The following C7 variants were observed in gnomAD, a reference collection of about 807,000 sequenced individuals.
C7 encodes complement C7.
C7 carries 83 observed loss-of-function variants against 104.8 expected under a neutral mutation model. The ratio of observed to expected loss-of-function variants is 0.79; its 90% CI spans 0.66 to 0.95. The LOEUF is 0.95. Ranked by LOEUF, C7 falls within the 40% of genes least tolerant of loss-of-function variation. C7 has a pLI of 0.00. For synonymous variants in C7, 415 were observed against 360.6 expected, an observed-to-expected ratio of 1.15 and a Z score of -1.71; for missense variants, 1,070 against 1,011.2, an observed-to-expected ratio of 1.06 and a Z score of -0.79.
At chr5:40,919,134 T>G (rs1302079084) in intron 1 of C7, among the ~76,000 whole-genome samples, 1 of 151,768 alleles carries the variant, frequency 6.6e-6, no homozygotes, top group African/African-American at 2.4e-5. Context: ...ATCTTTTTTT[T>G]TTTTTTTGAG....
intron 13 of C7, among the ~76,000 whole-genome samples, chr5:40,962,892 G>C (rs1740452944): frequency 6.6e-6 from 1 of 152,246 alleles, no homozygotes; most frequent in East Asian, 1.9e-4. Context: ...CCAGGCCCTT[G>C]AACATGCATT....
intron 6 of C7, among the ~76,000 whole-genome samples, chr5:40,940,794 T>A (rs1739919416): frequency 6.6e-6 from 1 of 152,144 alleles, no homozygotes; most frequent in African/African-American, 2.4e-5. Flanking sequence ...TGGCATCTCA[T>A]TTTACAAATG....
chr5:40,921,298 C>T lies in C7; in HGVS notation c.7-7282C>T, dbSNP rs765472148. On this transcript the variant is annotated intron_variant, in intron 1 of 17. Transcript: ENST00000313164. ...AAAAATACTATAAAACACTGATGAA[C>T]GTAATTTAAGAGAACACAAAAAAGG... Among the ~76,000 whole-genome samples the T allele has an allele frequency of 6.1e-4, 93 of 151,882 alleles. 1 individual carries two copies. The highest frequency in any genetic ancestry group is 3.7e-4 in the Non-Finnish European group (25 of 67,940).
At position 40,961,999 on chromosome 5, in the gene C7, G is replaced by T. The variant is rs1005326247; in HGVS notation, c.1662-86G>T. 3 of 593,056 alleles carry T rather than the reference G, an allele frequency of 5.1e-6. No homozygotes were observed. In the African/African-American group the frequency reaches 5.7e-5, roughly 11 times the overall value. 36.7% of individuals were successfully genotyped at this position (593,056 alleles called of 1,614,324 possible). A position where few individuals can be genotyped will look rare whatever the true frequency, so the allele number is the denominator to read the frequency against. On this transcript the variant is annotated intron_variant, in intron 12 of 17. Transcript: ENST00000313164. Reference sequence around the variant, plus strand: ...TACTTAAATGAATGGAGTTCCTTCAGATACAAAGGAGAAATCCAACGTAAT... The same window carrying T: ...TACTTAAATGAATGGAGTTCCTTCATATACAAAGGAGAAATCCAACGTAAT...
intron 14 of C7, among the ~76,000 whole-genome samples, chr5:40,970,046 T>C (rs1468297052): frequency 1.3e-5 from 2 of 152,126 alleles, no homozygotes; most frequent in Admixed American, 6.6e-5. Flanking sequence ...AGGCATAAGA[T>C]GTGACTTGTA....
At chr5:40,914,153 C>G (rs1579833460) in intron 1 of C7, among the ~76,000 whole-genome samples, 1 of 152,044 alleles carries the variant, frequency 6.6e-6, no homozygotes, top group Non-Finnish European at 1.5e-5. Flanking sequence ...TTAATAGTAG[C>G]CATTCTGACT....
At chr5:40,967,599 T>G (rs1316166127) in intron 14 of C7, 1 of 187,680 alleles carries the variant, frequency 5.3e-6, no homozygotes, top group Non-Finnish European at 1.2e-5. Context: ...CTCTGTTTGT[T>G]ACATAAAATA....
In C7 at chr5:40,981,398, G is replaced by A. The variant is rs1174239894; in HGVS notation, c.2357G>A (p.Ser786Asn). 2 of 1,611,142 alleles carry A rather than the reference G, an allele frequency of 1.2e-6. No individual in the cohort carries two copies. The highest frequency in any genetic ancestry group is 1.1e-5 in the South Asian group (1 of 90,310). Residue 786 changes from serine to asparagine, a missense_variant, in exon 18 of 18, where the codon AGC (serine) becomes AAC (asparagine). Transcript: ENST00000313164. The part of the protein sequence containing the change: ...CPLWGKCDAE[S>N]SKCVCREASE... Reference sequence around the variant, plus strand: ...CTTTCACTTACTTTTCCAGCTGAGAGCAGCAAATGTGTCTGCCGAGAAGCA... The same window carrying A: ...CTTTCACTTACTTTTCCAGCTGAGAACAGCAAATGTGTCTGCCGAGAAGCA...
intron 15 of C7, among the ~76,000 whole-genome samples, chr5:40,975,121 T>C (rs558776806): frequency 6.6e-6 from 1 of 152,334 alleles, no homozygotes; most frequent in Non-Finnish European, 1.5e-5. Flanking sequence ...GGAATAATTT[T>C]AGATTTCAGC....
chr5:40,910,468 G>C (rs891792281), intron 1 of C7, among the ~76,000 whole-genome samples: 1 of 152,016 alleles, frequency 6.6e-6, no homozygotes, highest in Admixed American at 6.6e-5. Context: ...CTCATTATTG[G>C]GGTTAGAGGA....
Position 40,939,238 on chromosome 5 carries a change from G to T in C7, c.567+1548G>T, listed in dbSNP as rs115884262. On this transcript the variant is annotated intron_variant, in intron 6 of 17. Transcript: ENST00000313164. ...AATAAGTTAGTTGCATTTAAGAGTTGTTGAGTAATATAAATGAGAAGTAAA... is the reference window on the plus strand; with the variant it reads ...AATAAGTTAGTTGCATTTAAGAGTTTTTGAGTAATATAAATGAGAAGTAAA... 7.5e-3 allele frequency among the ~76,000 whole-genome samples: 1,135 copies of T among 152,260 alleles called. 17 individuals are homozygous for T. Among genetic ancestry groups the T allele is most frequent in the African/African-American group, 0.026 (1,093 of 41,546 alleles).
In C7 at chr5:40,912,976, C is replaced by T. The variant is rs10042451; in HGVS notation, c.6+3360C>T. Reference sequence around the variant, plus strand: ...TTCTATCCCCAACTCTTCTGAGTCTCCAATGTCTATTATTCCATACTTTTT... The same window carrying T: ...TTCTATCCCCAACTCTTCTGAGTCTTCAATGTCTATTATTCCATACTTTTT... On this transcript the variant is annotated intron_variant, in intron 1 of 17. Transcript: ENST00000313164. Among the ~76,000 whole-genome samples the T allele has an allele frequency of 7.4e-3, 1,131 of 152,218 alleles. 18 individuals carry two copies. The highest frequency in any genetic ancestry group is 0.026 in the African/African-American group (1,086 of 41,538).
intron 1 of C7, among the ~76,000 whole-genome samples, chr5:40,927,756 T>A (rs1346092488): frequency 3.9e-5 from 6 of 152,090 alleles, no homozygotes; most frequent in African/African-American, 1.2e-4. Context: ...ATCTCACACC[T>A]GTCAGAATGG....
Position 40,979,230 on chromosome 5 carries a change from T to C in C7, c.2166-495T>C, listed in dbSNP as rs1475825886. Among the ~76,000 whole-genome samples, 8 of 152,262 alleles carry C rather than the reference T, an allele frequency of 5.3e-5. No homozygotes were observed. The East Asian group carries it at 1.5e-3, about 29-fold the overall frequency. Reference sequence around the variant, plus strand: ...TACTTTTAAAAGTAGCATTGAAAAATACAGTTTCATCTTCCCGTGATGATT... The same window carrying C: ...TACTTTTAAAAGTAGCATTGAAAAACACAGTTTCATCTTCCCGTGATGATT... On this transcript the variant is annotated intron_variant, in intron 16 of 17. Transcript: ENST00000313164.
At chr5:40,910,516 G>A (rs1174921252) in intron 1 of C7, among the ~76,000 whole-genome samples, 1 of 152,034 alleles carries the variant, frequency 6.6e-6, no homozygotes, top group African/African-American at 2.4e-5. Flanking sequence ...CATGCCTTCT[G>A]TGAAATTAAA....
Position 40,979,879 on chromosome 5 carries a change from G to C in C7, c.2320G>C (p.Gly774Arg), listed in dbSNP as rs1165920852. 9 of 1,601,574 alleles carry C rather than the reference G, an allele frequency of 5.6e-6. No homozygotes were observed. Among genetic ancestry groups the C allele is most frequent in the Non-Finnish European group, 6.0e-6 (7 of 1,172,642 alleles). The change falls in exon 17 of 18, where the codon GGT becomes CGT. Residue 774 changes from glycine to arginine, a missense_variant. Gly to Arg is a moderately radical substitution (Grantham distance 125). Coordinates refer to ENST00000313164, the MANE Select transcript of C7 (RefSeq NM_000587.4). ...TLPASAEKAC[G>R]ACPLWGKCDA... ...GCCTGCCTCAGCTGAGAAAGCTTGT[G>C]GTGCCTGCCCACTGTGGGGAAAATG...
chr5:40,937,469 A>G, intron 5 of C7, 83 bp from the exon 6 acceptor site: 1 of 1,408,894 alleles, frequency 7.1e-7, no homozygotes. Flanking sequence ...GAGTTCTGTA[A>G]TAAACTTTTT....
intron 1 of C7, among the ~76,000 whole-genome samples, chr5:40,921,394 A>G (rs1390075966): frequency 2.0e-5 from 3 of 152,154 alleles, no homozygotes; most frequent in Admixed American, 1.3e-4. Flanking sequence ...AAAGTGATCT[A>G]CAGATTCAAT....
At chr5:40,964,216 T>C (rs2111681569) in intron 13 of C7, among the ~76,000 whole-genome samples, 1 of 151,596 alleles carries the variant, frequency 6.6e-6, no homozygotes, top group East Asian at 1.9e-4. Context: ...CTAATTTTTG[T>C]ATTTTTATTA....
Sources: allele counts gnomAD v4.1 joint callset (sites outside exome capture counted in the v4.1 genomes callset), GRCh38; gene constraint gnomAD v4.1.1; transcripts MANE v1.5; gene names NCBI Gene and HGNC (gene_info 2026-07-23, HGNC 2026-07-21).